PRDM11: variants seen among roughly 807,000 people sequenced by gnomAD.
The protein encoded by PRDM11 is PR/SET domain 11.
PRDM11 carries 20 observed loss-of-function variants against 97.8 expected under a neutral mutation model. That is an observed-to-expected ratio of 0.20 (90% confidence interval 0.14 to 0.30). PRDM11 has a LOEUF of 0.30. Ranked by LOEUF, PRDM11 falls within the 10% of genes least tolerant of loss-of-function variation. PRDM11 has a pLI of 1.00. For synonymous variants in PRDM11, 599 were observed against 637.7 expected, an observed-to-expected ratio of 0.94 and a Z score of 0.91; for missense variants, 1,139 against 1,555.2, an observed-to-expected ratio of 0.73 and a Z score of 4.50.
chr11:45,177,219 G>A (rs1252041558), intron 1 of PRDM11, among the ~76,000 whole-genome samples: 1 of 152,242 alleles, frequency 6.6e-6, no homozygotes, highest in African/African-American at 2.4e-5. Context: ...CTCCTGGGCT[G>A]CATTCTGCCC....
chr11:45,234,948 T>C lies in PRDM11; in HGVS notation c.*6789T>C, dbSNP rs1414786421. ...CTTTAAAAAAAACCTCTTGATGTTATTATTTTGCAGACTACGCTTTATAGT... is the reference window on the plus strand; with the variant it reads ...CTTTAAAAAAAACCTCTTGATGTTACTATTTTGCAGACTACGCTTTATAGT... On this transcript the variant is annotated 3_prime_UTR_variant, in exon 8 of 8. Coordinates refer to ENST00000683152, the MANE Select transcript of PRDM11 (RefSeq NM_001384648.1). 6.6e-6 allele frequency: 1 copy of C among 152,230 alleles called. No individual in the cohort carries two copies. Among genetic ancestry groups the C allele is most frequent in the African/African-American group, 2.4e-5 (1 of 41,452 alleles). 9.4% of individuals were successfully genotyped at this position (152,230 alleles called of 1,614,324 possible). A position where few individuals can be genotyped will look rare whatever the true frequency, so the allele number is the denominator to read the frequency against.
intron 5 of PRDM11, chr11:45,214,559 T>TC (rs1156523580): frequency 6.6e-6 from 1 of 152,072 alleles, no homozygotes; most frequent in East Asian, 1.9e-4. Flanking sequence ...TGGCTCCATC[T>TC]CCCCATTCTG....
At position 45,137,764 on chromosome 11, in the gene PRDM11, G is replaced by A. The variant is rs575263274; in HGVS notation, c.96+41863G>A. On this transcript the variant is annotated intron_variant, in intron 1 of 6. Transcript: ENST00000530656. ...CCCTGTAAAGAAAGAGAGAAAATAAGCAAGCAAGCAAACAGATGGGTAAGG... is the reference window on the plus strand; with the variant it reads ...CCCTGTAAAGAAAGAGAGAAAATAAACAAGCAAGCAAACAGATGGGTAAGG... Among the ~76,000 whole-genome samples, 4 of 152,228 alleles carry A rather than the reference G, an allele frequency of 2.6e-5. No homozygotes were observed. In the South Asian group the frequency reaches 6.2e-4, roughly 24 times the overall value.
At chr11:45,119,199 C>T (rs1456445580) in intron 1 of PRDM11, among the ~76,000 whole-genome samples, 2 of 152,152 alleles carry the variant, frequency 1.3e-5, no homozygotes, top group African/African-American at 2.4e-5. Context: ...GACCAGGGAC[C>T]TACTTGCAAG....
At chr11:45,139,373 C>A (rs150753591) in intron 1 of PRDM11, among the ~76,000 whole-genome samples, 2,461 of 152,116 alleles carry the variant, frequency 0.016, 66 homozygotes, top group African/African-American at 0.057. Flanking sequence ...TCAAGACCAG[C>A]CTGGCCAACA....
intron 1 of PRDM11, among the ~76,000 whole-genome samples, chr11:45,116,233 T>G (rs1023712462): frequency 1.3e-5 from 2 of 152,158 alleles, no homozygotes; most frequent in African/African-American, 4.8e-5. Context: ...TTAACAGAAC[T>G]AACTGACCAG....
chr11:45,113,281 C>A (rs558740910), intron 1 of PRDM11, among the ~76,000 whole-genome samples: 1 of 152,026 alleles, frequency 6.6e-6, no homozygotes, highest in East Asian at 1.9e-4. Flanking sequence ...GCTTTATTTC[C>A]GGGTTCTCTA....
rs1854335143 is a variant in PRDM11 at position 45,228,620 on chromosome 11, G to GGAGCTCCTCAGCCTCC, written c.*462_*477dup. The GGAGCTCCTCAGCCTCC allele has an allele frequency of 6.6e-6, 1 of 152,044 alleles. No individual in the cohort carries two copies. Among genetic ancestry groups the GGAGCTCCTCAGCCTCC allele is most frequent in the African/African-American group, 2.4e-5 (1 of 41,382 alleles). 9.4% of individuals were successfully genotyped at this position (152,044 alleles called of 1,614,324 possible). ...TTTTCATTTGGTTTTATGATGGGAG[G>GGAGCTCCTCAGCCTCC]GAGCTCCTCAGCCTCCTCATTGACA... On this transcript the variant is annotated 3_prime_UTR_variant, in exon 8 of 8. Transcript: ENST00000683152.
rs977279282 is a variant in PRDM11 at position 45,100,099 on chromosome 11, T to C, written c.96+4198T>C. 3.9e-5 allele frequency among the ~76,000 whole-genome samples: 6 copies of C among 152,216 alleles called. No individual in the cohort carries two copies. In the South Asian group the frequency reaches 6.2e-4, roughly 16 times the overall value. ...ATGGCATCATTTGGCAGATTCTGAA[T>C]GCATCAACACATCCTACATCAATTA... On this transcript the variant is annotated intron_variant, in intron 1 of 6. Transcript: ENST00000530656.
At chr11:45,141,074 A>G (rs549284865) in intron 1 of PRDM11, among the ~76,000 whole-genome samples, 5 of 152,328 alleles carry the variant, frequency 3.3e-5, no homozygotes, top group East Asian at 3.9e-4. Context: ...GTCCTGTCTA[A>G]CAAGGCAAGC....
In PRDM11 at chr11:45,225,892, T is replaced by C; in HGVS notation, c.1370-103T>C. 7.3e-6 allele frequency: 10 copies of C among 1,365,344 alleles called. 1 individual carries two copies. The South Asian group carries it at 1.6e-4, about 22-fold the overall frequency. The allele number at this position is 1,365,344 out of a possible 1,614,324, so 84.6% of individuals were successfully genotyped here. On this transcript the variant is annotated intron_variant, in intron 7 of 7. Transcript: ENST00000683152. ...TCATAGGCTTCCACGGACTTCTGTTTCCCATGGTGTGGCACCTACCTTCCA... is the reference window on the plus strand; with the variant it reads ...TCATAGGCTTCCACGGACTTCTGTTCCCCATGGTGTGGCACCTACCTTCCA...
chr11:45,197,643 T>G (rs1853172772), intron 4 of PRDM11, among the ~76,000 whole-genome samples: 1 of 152,218 alleles, frequency 6.6e-6, no homozygotes, highest in Non-Finnish European at 1.5e-5. Context: ...ATACAGCTTT[T>G]TGTATGCCAG....
intron 1 of PRDM11, among the ~76,000 whole-genome samples, chr11:45,153,770 T>C (rs927387209): frequency 1.3e-5 from 2 of 152,214 alleles, no homozygotes; most frequent in African/African-American, 4.8e-5. Context: ...TTTTTTCCTC[T>C]GTGTTTGCAG....
intron 1 of PRDM11, among the ~76,000 whole-genome samples, chr11:45,176,561 T>A (rs1852332833): frequency 6.6e-6 from 1 of 152,122 alleles, no homozygotes; most frequent in African/African-American, 2.4e-5. Flanking sequence ...CAGGTAGGCG[T>A]GGTTAATGCA....
chr11:45,184,142 C>T lies in PRDM11; in HGVS notation c.486+1019C>T, dbSNP rs142365628. The stretch of plus-strand genomic sequence containing the variant: ...AGATTGGAGAGGTGCATCCAGATGC[C>T]TTGGACAGCAAGAGCAAAGGCCCTG... On this transcript the variant is annotated intron_variant, in intron 4 of 7. Transcript: ENST00000683152. 2.1e-3 allele frequency among the ~76,000 whole-genome samples: 318 copies of T among 152,198 alleles called. 3 individuals carry two copies. The highest frequency in any genetic ancestry group is 7.4e-3 in the African/African-American group (308 of 41,520).
chr11:45,115,959 A>G (rs201536121), intron 1 of PRDM11, among the ~76,000 whole-genome samples: 2 of 152,028 alleles, frequency 1.3e-5, no homozygotes, highest in Admixed American at 1.3e-4. Flanking sequence ...AGAAAAAAAA[A>G]AGCTAGAGCA....
Position 45,233,004 on chromosome 11 carries a change from G to C in PRDM11, c.*4845G>C, listed in dbSNP as rs374878574. The C allele has an allele frequency of 1.4e-3, 211 of 151,770 alleles. No homozygotes were observed. The highest frequency in any genetic ancestry group is 5.0e-3 in the African/African-American group (207 of 41,414). The allele number at this position is 151,770 out of a possible 1,614,324, so 9.4% of individuals were successfully genotyped here. A position where few individuals can be genotyped will look rare whatever the true frequency, so the allele number is the denominator to read the frequency against. The stretch of plus-strand genomic sequence containing the variant: ...GTGCATGGAAGCAGGGGTATGTGCA[G>C]TGTAGAATACAGATGCTACAGCATA... On this transcript the variant is annotated 3_prime_UTR_variant, in exon 8 of 8. Coordinates refer to ENST00000683152, the MANE Select transcript of PRDM11 (RefSeq NM_001384648.1).
chr11:45,208,992 C>G (rs1010801799), intron 5 of PRDM11: 2 of 456,704 alleles, frequency 4.4e-6, no homozygotes, highest in Non-Finnish European at 8.8e-6. Context: ...GGAGACCATG[C>G]GGCTGTCCCA....
intron 1 of PRDM11, among the ~76,000 whole-genome samples, chr11:45,111,903 C>T (rs1852190062): frequency 6.6e-6 from 1 of 152,102 alleles, no homozygotes; most frequent in African/African-American, 2.4e-5. Context: ...CAATGGGAGA[C>T]TATGTCTAAC....
Sources: gnomAD v4.1 joint callset for allele counts (sites outside exome capture counted in the v4.1 genomes callset) on GRCh38, gnomAD v4.1.1 for gene constraint, MANE v1.5 for transcripts, NCBI Gene and HGNC (gene_info 2026-07-23, HGNC 2026-07-21) for gene names.